SCART1: variants seen among roughly 807,000 people sequenced by gnomAD.
SCART1 encodes scavenger receptor family member expressed on T cells 1, also known as scavenger receptor cysteine-rich domain-containing protein SCART1.
A neutral mutation model predicts 36.2 loss-of-function variants in SCART1; 62 were observed. That is an observed-to-expected ratio of 1.71 (90% CI 1.40 to 2.12). The LOEUF (loss-of-function observed/expected upper bound fraction) is 2.12, where lower values mean the gene tolerates loss of function less well. Ranked by LOEUF, SCART1 falls within the 30% of genes most tolerant of loss-of-function variation. The pLI, the probability that SCART1 is intolerant of heterozygous loss-of-function variation, is 0.00. For synonymous variants in SCART1, 487 were observed against 238.7 expected (o/e 2.04, Z -9.59); for missense variants, 1,041 against 540.5 (o/e 1.93, Z -9.18).
At chr10:133,463,740 GT>G (rs1333797854) in intron 6 of SCART1, among the ~76,000 whole-genome samples, 2 of 151,978 alleles carry the variant, frequency 1.3e-5, no homozygotes, top group Non-Finnish European at 2.9e-5. Context: ...TCATAGTGGT[GT>G]TTCAATCCAT....
At chr10:133,456,461 C>T (rs531282095) in exon 2 of SCART1, 16 of 702,194 alleles carry the variant, frequency 2.3e-5, no homozygotes, top group East Asian at 5.4e-5. Flanking sequence ...CGTGTCCTGC[C>T]GGGGCAACGA....
At chr10:133,462,985 G>A (rs1850719301) in intron 6 of SCART1, among the ~76,000 whole-genome samples, 1 of 152,120 alleles carries the variant, frequency 6.6e-6, no homozygotes, top group Non-Finnish European at 1.5e-5. Flanking sequence ...AATTAGATAT[G>A]ATCCTATCAG....
intron 10 of SCART1, chr10:133,466,889 C>T (rs1167343046): frequency 3.6e-6 from 1 of 274,356 alleles, no homozygotes. Flanking sequence ...ATTTTATTGG[C>T]CAGAGAGAGT....
exon 5 of SCART1, chr10:133,459,310 C>G (rs1279224433): frequency 1.6e-6 from 1 of 643,748 alleles, no homozygotes; most frequent in Admixed American, 2.3e-5. Flanking sequence ...GAAACACAGC[C>G]TCCGCGGTCT....
At chr10:133,461,587 G>A (rs1279113502) in intron 6 of SCART1, among the ~76,000 whole-genome samples, 1 of 152,116 alleles carries the variant, frequency 6.6e-6, no homozygotes, top group African/African-American at 2.4e-5. Flanking sequence ...TTCTCCAGGT[G>A]GCACCCACGT....
At chr10:133,469,307 A>C (rs954363194), downstream of SCART1, 7 of 152,178 alleles carry the variant, frequency 4.6e-5, no homozygotes, top group Admixed American at 2.0e-4. Context: ...TAGATTGCAA[A>C]AATTTTCTCC....
chr10:133,466,592 T>G (rs1447284261), intron 10 of SCART1, among the ~76,000 whole-genome samples: 1 of 152,234 alleles, frequency 6.6e-6, no homozygotes, highest in Non-Finnish European at 1.5e-5. Context: ...AAGGGACTTA[T>G]GAAGACAAGC....
intron 3 of SCART1, chr10:133,457,802 A>G: frequency 3.6e-6 from 2 of 556,404 alleles, no homozygotes; most frequent in South Asian, 2.4e-5. Context: ...CAGAACCCGC[A>G]GGCCATCTAG....
intron 4 of SCART1, 94 bp from the exon 5 acceptor site, chr10:133,458,927 C>G: frequency 3.2e-6 from 2 of 623,296 alleles, no homozygotes; most frequent in South Asian, 3.8e-5. Context: ...GGCTCTGTGC[C>G]CATCCCACTG....
exon 2 of SCART1, chr10:133,456,524 C>G: frequency 1.5e-6 from 1 of 681,242 alleles, no homozygotes; most frequent in Non-Finnish European, 2.7e-6. Flanking sequence ...CCCGTGCCCC[C>G]ACGCATGGGT....
chr10:133,459,973 A>G, exon 6 of SCART1: 1 of 545,022 alleles, frequency 1.8e-6, no homozygotes, highest in Non-Finnish European at 3.2e-6. Flanking sequence ...CGGGACGCGC[A>G]CGTGGTCTGC....
chr10:133,457,139 C>A (rs904188328), intron 2 of SCART1, 140 bp from the exon 3 acceptor site: 1 of 629,580 alleles, frequency 1.6e-6, no homozygotes, highest in Admixed American at 2.9e-5. Flanking sequence ...AGCCCAGGGC[C>A]CTGTGTGACT....
intron 3 of SCART1, chr10:133,457,878 CGGGGTT>C: frequency 1.9e-6 from 1 of 532,444 alleles, no homozygotes; most frequent in Non-Finnish European, 3.3e-6. Flanking sequence ...TAACATGGAT[CGGGGTT>C]GGGTAGAGGT....
intron 11 of SCART1, 98 bp from the exon 12 acceptor site, chr10:133,467,749 A>C: frequency 1.8e-6 from 1 of 552,488 alleles, no homozygotes; most frequent in Non-Finnish European, 3.3e-6. Context: ...TTTCTGGTTG[A>C]CATGTTTATG....
At chr10:133,469,133 A>G (rs1394528719) in exon 12 of SCART1, 1 of 152,204 alleles carries the variant, frequency 6.6e-6, no homozygotes, top group South Asian at 2.1e-4. Flanking sequence ...ATGACCAGTG[A>G]TGATGAACTT....
exon 6 of SCART1, chr10:133,459,541 T>A: frequency 8.8e-6 from 6 of 682,632 alleles, no homozygotes; most frequent in South Asian, 7.9e-5. Flanking sequence ...GACGGCCGCG[T>A]GGAGGTCTCC....
chr10:133,465,345 T>C lies in SCART1; in HGVS notation c.2439T>C (p.Asp813=), dbSNP rs1443398522. 5.8e-6 allele frequency: 4 copies of C among 687,970 alleles called. No individual in the cohort carries two copies. In the African/African-American group the frequency reaches 7.1e-5, roughly 12 times the overall value. The allele number at this position is 687,970 out of a possible 1,614,324, so 42.6% of individuals were successfully genotyped here. A position where few individuals can be genotyped will look rare whatever the true frequency, so the allele number is the denominator to read the frequency against. Reference sequence around the variant, plus strand: ...GCTCCTGGGGCACCGTGTGCGACGATGGCTGGGACCTGGCGGACGCGGAGG... The same window carrying C: ...GCTCCTGGGGCACCGTGTGCGACGACGGCTGGGACCTGGCGGACGCGGAGG... The change falls in exon 9 of 12, where the codon GAT becomes GAC. Residue 813 remains aspartate (D), a synonymous_variant. Transcript: ENST00000640237.
At chr10:133,465,812 C>A in intron 9 of SCART1, 1 of 695,448 alleles carries the variant, frequency 1.4e-6, no homozygotes, top group East Asian at 2.7e-5. Context: ...TTGTTCATTT[C>A]GGGTATGTGT....
In SCART1 at chr10:133,465,572, G is replaced by T. The variant is rs891030923; in HGVS notation, c.2659+7G>T. On this transcript the variant is annotated splice_region_variant and intron_variant, in intron 9 of 11. Transcript: ENST00000640237. ...GCGGGCGTGCGCTGCTGGGGTGAGT[G>T]GGGGGCGGTGGGAAGTCGGTCATGG... The T allele has an allele frequency of 8.7e-6, 5 of 572,160 alleles. No individual in the cohort carries two copies. Among genetic ancestry groups the T allele is most frequent in the Admixed American group, 6.8e-5 (2 of 29,374 alleles). 35.4% of individuals were successfully genotyped at this position (572,160 alleles called of 1,614,324 possible).
Sources: gnomAD v4.1 joint callset for allele counts (sites outside exome capture counted in the v4.1 genomes callset) on GRCh38, gnomAD v4.1.1 for gene constraint, MANE v1.5 for transcripts, NCBI Gene and HGNC (gene_info 2026-07-23, HGNC 2026-07-21) for gene names.